The following PEBP4 variants were observed in gnomAD, a reference collection of about 807,000 sequenced individuals.
The protein encoded by PEBP4 is phosphatidylethanolamine binding protein 4, also known as phosphatidylethanolamine-binding protein 4.
In PEBP4, 22 loss-of-function variants were observed where a neutral mutation model predicts 23.9. The observed-to-expected ratio is 0.92, with a 90% CI of 0.66 to 1.31. The LOEUF (loss-of-function observed/expected upper bound fraction) is 1.31, where lower values mean the gene tolerates loss of function less well. Ranked by LOEUF, PEBP4 falls within the 40% of genes most tolerant of loss-of-function variation. PEBP4 has a pLI of 0.00. For synonymous variants in PEBP4, 112 were observed against 99.3 expected (o/e 1.13, Z -0.76); for missense variants, 324 against 281.7 (o/e 1.15, Z -1.07).
intron 4 of PEBP4, among the ~76,000 whole-genome samples, chr8:22,736,278 A>G (rs1464140116): frequency 6.6e-6 from 1 of 152,140 alleles, no homozygotes; most frequent in African/African-American, 2.4e-5. Context: ...TAAAGAACAC[A>G]ATATATAGTC....
At chr8:22,722,939 ATT>A (rs373079543) in intron 6 of PEBP4, among the ~76,000 whole-genome samples, 1,540 of 145,218 alleles carry the variant, frequency 0.011, 25 homozygotes, top group African/African-American at 0.035. Context: ...CGCTGGGCTA[ATT>A]TTTTTTTTTT....
chr8:22,713,768 G>T (rs1804357333), intron 6 of PEBP4, among the ~76,000 whole-genome samples: 1 of 152,228 alleles, frequency 6.6e-6, no homozygotes, highest in Non-Finnish European at 1.5e-5. Context: ...GGGCAATGGG[G>T]ACTGAGAGCC....
chr8:22,936,824 C>A (rs753605149), intron 1 of PEBP4, among the ~76,000 whole-genome samples: 1 of 152,112 alleles, frequency 6.6e-6, no homozygotes, highest in Non-Finnish European at 1.5e-5. Flanking sequence ...AACATAATAC[C>A]GCCACATTAA....
chr8:22,797,253 CAAA>C (rs57749113), intron 4 of PEBP4, among the ~76,000 whole-genome samples: 27,342 of 114,022 alleles, frequency 0.24, 2,683 homozygotes, highest in South Asian at 0.35. Flanking sequence ...AACTCTGTCT[CAAA>C]AAAAAAAAAA....
intron 2 of PEBP4, among the ~76,000 whole-genome samples, chr8:22,926,418 C>A (rs935777421): frequency 6.6e-6 from 1 of 152,126 alleles, no homozygotes; most frequent in Non-Finnish European, 1.5e-5. Context: ...AATCATGGCT[C>A]AGACCAGCCT....
chr8:22,777,456 G>A (rs1484565856), intron 4 of PEBP4, among the ~76,000 whole-genome samples: 2 of 152,130 alleles, frequency 1.3e-5, no homozygotes, highest in Non-Finnish European at 2.9e-5. Flanking sequence ...TGTGGGGAGG[G>A]GGGAACGCAG....
At chr8:22,933,609 C>T (rs558898144) in intron 1 of PEBP4, among the ~76,000 whole-genome samples, 352 of 152,238 alleles carry the variant, frequency 2.3e-3, no homozygotes, top group African/African-American at 7.9e-3. Context: ...TTAAGAAAGT[C>T]CCAGATAAAC....
chr8:22,865,015 G>A lies in PEBP4; in HGVS notation c.259-47280C>T, dbSNP rs1293803841. Among the ~76,000 whole-genome samples the A allele has an allele frequency of 2.0e-5, 3 of 152,200 alleles. No homozygotes were observed. Among genetic ancestry groups the A allele is most frequent in the African/African-American group, 4.8e-5 (2 of 41,452 alleles). On this transcript the variant is annotated intron_variant, in intron 3 of 6. Transcript: ENST00000256404. The surrounding 1 kb of genome is among the most constrained non-coding windows in gnomAD (Gnocchi z 6.9). ...GCAGCACGAGGGGGCAGGTGTGACC[G>A]TGAGAGAGGGAGGCAGGCGGCGAGG...
At chr8:22,889,579 C>T (rs1808450631) in intron 3 of PEBP4, among the ~76,000 whole-genome samples, 1 of 152,222 alleles carries the variant, frequency 6.6e-6, no homozygotes, top group Non-Finnish European at 1.5e-5. Flanking sequence ...AAAGGTAATG[C>T]CGTAAATTAC....
intron 3 of PEBP4, among the ~76,000 whole-genome samples, chr8:22,875,254 C>T (rs1485764629): frequency 1.3e-5 from 2 of 151,948 alleles, no homozygotes; most frequent in East Asian, 1.9e-4. Context: ...ATCTTGAAAT[C>T]GCATAGGATA....
At chr8:22,910,362 T>A (rs1563258001) in intron 3 of PEBP4, among the ~76,000 whole-genome samples, 2 of 152,378 alleles carry the variant, frequency 1.3e-5, no homozygotes, top group South Asian at 4.1e-4. Context: ...GGCACGCATC[T>A]CCCTGCGTGG....
chr8:22,835,204 A>G (rs574737817), intron 3 of PEBP4, among the ~76,000 whole-genome samples: 2 of 152,312 alleles, frequency 1.3e-5, no homozygotes, highest in South Asian at 4.1e-4. Context: ...TGGCAATAAT[A>G]CCTGTCTCAC....
intron 3 of PEBP4, among the ~76,000 whole-genome samples, chr8:22,827,973 G>A (rs1807007262): frequency 1.3e-5 from 2 of 152,174 alleles, no homozygotes; most frequent in Non-Finnish European, 2.9e-5. Flanking sequence ...AAGGACTAGT[G>A]ATGTTGAGTT....
chr8:22,828,012 A>G (rs1807008175), intron 3 of PEBP4, among the ~76,000 whole-genome samples: 2 of 152,236 alleles, frequency 1.3e-5, no homozygotes, highest in Non-Finnish European at 2.9e-5. Flanking sequence ...GACTATTTTT[A>G]TATCTTTGGT....
intron 4 of PEBP4, among the ~76,000 whole-genome samples, chr8:22,732,131 TAGG>T (rs1804750775): frequency 6.7e-6 from 1 of 149,516 alleles, no homozygotes; most frequent in African/African-American, 2.5e-5. Context: ...GTAGTGTGCC[TAGG>T]AGGACATTCT....
chr8:22,725,395 C>G (rs989720231), intron 5 of PEBP4, among the ~76,000 whole-genome samples: 1 of 151,528 alleles, frequency 6.6e-6, no homozygotes, highest in African/African-American at 2.4e-5. Context: ...CCCAAAGAAG[C>G]CAATTTCTTG....
intron 3 of PEBP4, among the ~76,000 whole-genome samples, chr8:22,911,344 C>A (rs1267113999): frequency 6.6e-6 from 1 of 152,030 alleles, no homozygotes; most frequent in East Asian, 1.9e-4. Flanking sequence ...CCAGCCCAGC[C>A]CCCAGCAGCT....
intron 4 of PEBP4, among the ~76,000 whole-genome samples, chr8:22,804,943 G>A (rs551358249): frequency 2.8e-4 from 42 of 152,104 alleles, no homozygotes; most frequent in Non-Finnish European, 4.9e-4. Context: ...GTCCTCGCAG[G>A]GTTGCCTGGT....
intron 3 of PEBP4, chr8:22,886,427 G>C (rs1342723980): frequency 2.0e-5 from 3 of 152,212 alleles, no homozygotes; most frequent in African/African-American, 7.2e-5. Flanking sequence ...CCCAAGTCTA[G>C]ACTTTCTTAT....
Sources: allele counts gnomAD v4.1 joint callset (sites outside exome capture counted in the v4.1 genomes callset), GRCh38; gene constraint gnomAD v4.1.1; non-coding constraint Gnocchi (gnomAD v3.1); transcripts MANE v1.5; gene names NCBI Gene and HGNC (gene_info 2026-07-23, HGNC 2026-07-21).